Variants in QSER1 observed in about 807,000 individuals in gnomAD.
QSER1 encodes the protein glutamine and serine-rich protein 1.
In QSER1, 49 loss-of-function variants were observed where a neutral mutation model predicts 158.5. The ratio of observed to expected loss-of-function variants is 0.31; its 90% CI spans 0.25 to 0.39. The LOEUF (loss-of-function observed/expected upper bound fraction) is 0.39, where lower values mean the gene tolerates loss of function less well. Among genes scored for constraint, QSER1 ranks in the 10% least tolerant of loss-of-function variants. The pLI, the probability that QSER1 is intolerant of heterozygous loss-of-function variation, is 1.00. For missense variants in QSER1, 1,754 were observed against 2,010.3 expected, an observed-to-expected ratio of 0.87 and a Z score of 2.44; for synonymous variants, 650 against 715.5, an observed-to-expected ratio of 0.91 and a Z score of 1.46.
chr11:32,903,475 TACAA>T (rs941179641), intron 1 of QSER1, among the ~76,000 whole-genome samples: 6 of 151,282 alleles, frequency 4.0e-5, no homozygotes, highest in Non-Finnish European at 7.4e-5. Context: ...GTTGCAGATT[TACAA>T]ACAAAGTGGA....
chr11:32,966,502 TGTTA>T (rs1176474283), intron 9 of QSER1, 65 bp downstream of exon 9: 14 of 1,420,686 alleles, frequency 9.9e-6, no homozygotes, highest in Middle Eastern at 1.8e-4. Context: ...AAATCTTGTC[TGTTA>T]GTTATATGTT....
Position 32,975,707 on chromosome 11 carries a change from TATTACTTAGAATGG to T in QSER1, c.5454+365_5454+378del, listed in dbSNP as rs1030943423. 9 of 1,065,648 alleles carry T rather than the reference TATTACTTAGAATGG, an allele frequency of 8.4e-6. No individual in the cohort carries two copies. The African/African-American group carries it at 1.5e-4, about 18-fold the overall frequency. 66.0% of individuals were successfully genotyped at this position (1,065,648 alleles called of 1,614,324 possible). A position where few individuals can be genotyped will look rare whatever the true frequency, so the allele number is the denominator to read the frequency against. On this transcript the variant is annotated intron_variant, in intron 12 of 12. Transcript: ENST00000650167. ...TGCTTTGACATCTCACTGCCTTACTTATTACTTAGAATGGCCTTATCCCACTTAATTGCAGAGAA... is the reference window on the plus strand; with the variant it reads ...TGCTTTGACATCTCACTGCCTTACTTCCTTATCCCACTTAATTGCAGAGAA...
chr11:32,963,365 T>A (rs1318625658), intron 8 of QSER1, among the ~76,000 whole-genome samples: 1 of 152,174 alleles, frequency 6.6e-6, no homozygotes, highest in East Asian at 1.9e-4. Flanking sequence ...TCTGTTTGTT[T>A]GTTTGTTTGA....
At chr11:32,921,056 T>C (rs2133526158) in intron 1 of QSER1, among the ~76,000 whole-genome samples, 1 of 152,280 alleles carries the variant, frequency 6.6e-6, no homozygotes, top group South Asian at 2.1e-4. Context: ...ACATGAATGT[T>C]CATAGCATCG....
intron 4 of QSER1, among the ~76,000 whole-genome samples, chr11:32,944,233 C>T (rs1328600776): frequency 9.4e-5 from 14 of 149,098 alleles, no homozygotes; most frequent in Non-Finnish European, 2.1e-4. Flanking sequence ...GTCTCTATTT[C>T]CTTCAGTTCT....
In QSER1 at chr11:32,893,071, A is replaced by T. The variant is rs1851503030; in HGVS notation, c.-55A>T. On this transcript the variant is annotated 5_prime_UTR_variant, in exon 1 of 13. Coordinates refer to ENST00000650167, the MANE Select transcript of QSER1 (RefSeq NM_001076786.3). The surrounding 1 kb of genome is among the most constrained non-coding windows in gnomAD (Gnocchi z 4.7). The stretch of plus-strand genomic sequence containing the variant: ...CCCTCTCCCTGCCCGCCCCCGTCAC[A>T]CGGAGCCCTGGAGGATCCCCCGCTG... 1 of 35,016 alleles carries T rather than the reference A, an allele frequency of 2.9e-5. No individual in the cohort carries two copies. The highest frequency in any genetic ancestry group is 5.4e-5 in the Non-Finnish European group (1 of 18,436). The allele number at this position is 35,016 out of a possible 1,614,324, so 2.2% of individuals were successfully genotyped here. A position where few individuals can be genotyped will look rare whatever the true frequency, so the allele number is the denominator to read the frequency against.
chr11:32,957,202 C>T (rs1294644490), intron 7 of QSER1, among the ~76,000 whole-genome samples: 6 of 140,942 alleles, frequency 4.3e-5, no homozygotes, highest in Non-Finnish European at 7.5e-5. Flanking sequence ...AGTGCAGCGG[C>T]GTGATCTTGG....
At chr11:32,968,591 A>G (rs569027999) in intron 9 of QSER1, among the ~76,000 whole-genome samples, 1 of 152,274 alleles carries the variant, frequency 6.6e-6, no homozygotes, top group East Asian at 1.9e-4. Flanking sequence ...TTCAAGTTAA[A>G]GTGACTTAAT....
intron 1 of QSER1, among the ~76,000 whole-genome samples, chr11:32,910,076 C>T (rs957803894): frequency 2.6e-5 from 4 of 152,198 alleles, no homozygotes; most frequent in African/African-American, 7.2e-5. Flanking sequence ...TGCTCACCCA[C>T]TTCCCTTAGT....
At chr11:32,898,901 A>G (rs1040884144) in intron 1 of QSER1, among the ~76,000 whole-genome samples, 2 of 152,022 alleles carry the variant, frequency 1.3e-5, no homozygotes, top group Non-Finnish European at 2.9e-5. Flanking sequence ...ATTCCTTCTT[A>G]CCTTAAGGTT....
rs1349607916 is a variant in QSER1 at position 32,934,083 on chromosome 11, G to A, written c.2825G>A (p.Gly942Asp). Residue 942 changes from glycine to aspartate, a missense_variant, in exon 4 of 13, where the codon GGC (glycine) becomes GAC (aspartate). Physicochemically the swap from Gly to Asp is moderately conservative, Grantham distance 94. Transcript: ENST00000650167. ...TTACAACAACATCTAACAACAAAGG[G>A]CCATTTTAGTGAAACAAATCAACAT... The part of the protein sequence containing the change: ...KPLQQHLTTK[G>D]HFSETNQHDS... 1.2e-6 allele frequency: 2 copies of A among 1,613,786 alleles called. No individual in the cohort carries two copies. The highest frequency in any genetic ancestry group is 1.7e-6 in the Non-Finnish European group (2 of 1,179,982).
chr11:32,924,051 C>T (rs1269370364), intron 1 of QSER1, among the ~76,000 whole-genome samples: 1 of 152,070 alleles, frequency 6.6e-6, no homozygotes, highest in Admixed American at 6.6e-5. Context: ...AAAATTTGAA[C>T]CTTGAACTTT....
intron 1 of QSER1, among the ~76,000 whole-genome samples, chr11:32,926,440 A>G (rs1851972041): frequency 6.6e-6 from 1 of 152,214 alleles, no homozygotes; most frequent in Admixed American, 6.5e-5. Context: ...GTTTAGCAAA[A>G]AAAAGAAAAG....
intron 4 of QSER1, among the ~76,000 whole-genome samples, chr11:32,952,192 C>T (rs1485840204): frequency 6.6e-6 from 1 of 152,160 alleles, no homozygotes; most frequent in Non-Finnish European, 1.5e-5. Flanking sequence ...AGCTTTGCTT[C>T]TTCAGATATC....
At chr11:32,968,133 GATT>G in intron 9 of QSER1, among the ~76,000 whole-genome samples, 1 of 152,084 alleles carries the variant, frequency 6.6e-6, no homozygotes, top group Non-Finnish European at 1.5e-5. Context: ...AATTTTTTAA[GATT>G]ATTTTTAAAT....
intron 10 of QSER1, 140 bp from the exon 11 acceptor site, chr11:32,973,249 ACCTCTCTG>A: frequency 1.3e-6 from 1 of 772,350 alleles, no homozygotes. Context: ...GTACACACAC[ACCTCTCTG>A]CAAATAGGTG....
chr11:32,957,871 C>T lies in QSER1; in HGVS notation c.4754C>T (p.Thr1585Ile). 2.5e-6 allele frequency: 4 copies of T among 1,612,604 alleles called. No homozygotes were observed. The highest frequency in any genetic ancestry group is 3.4e-6 in the Non-Finnish European group (4 of 1,179,084). Residue 1585 changes from threonine (T) to isoleucine (I), a missense_variant and splice_region_variant, in exon 8 of 13, where the codon ACT (threonine) becomes ATT (isoleucine). Transcript: ENST00000650167. ...GAAGTTTGTTTATAACATTGCAGAA[C>T]TGTTCAAGCTAAGCCAAGTAGTAGC... ...PRNKPSQTIR[T>I]VQAKPSSSSK...
intron 5 of QSER1, among the ~76,000 whole-genome samples, chr11:32,954,680 C>G (rs1166573633): frequency 6.6e-6 from 1 of 151,874 alleles, no homozygotes. Context: ...TGCTTTTTTG[C>G]CTTTTTATGT....
At chr11:32,963,587 G>A (rs772165596) in intron 8 of QSER1, among the ~76,000 whole-genome samples, 16 of 152,004 alleles carry the variant, frequency 1.1e-4, no homozygotes, top group Non-Finnish European at 1.5e-4. Context: ...GCTTGACTTC[G>A]TGATCCACCC....
Sources: allele counts gnomAD v4.1 joint callset (sites outside exome capture counted in the v4.1 genomes callset), GRCh38; gene constraint gnomAD v4.1.1; non-coding constraint Gnocchi (gnomAD v3.1); transcripts MANE v1.5; gene names NCBI Gene and HGNC (gene_info 2026-07-23, HGNC 2026-07-21).